Variants in TVP23C observed in about 807,000 individuals in gnomAD.
TVP23C encodes the protein trans-golgi network vesicle protein 23 homolog C, also known as Golgi apparatus membrane protein TVP23 homolog C.
A neutral mutation model predicts 28.7 loss-of-function variants in TVP23C; 19 were observed. The observed-to-expected ratio is 0.66, with a 90% CI of 0.46 to 0.97. The LOEUF (loss-of-function observed/expected upper bound fraction) is 0.97, where lower values mean the gene tolerates loss of function less well. Among genes scored for constraint, TVP23C ranks in the 50% least tolerant of loss-of-function variants. The pLI is 0.00. For synonymous variants in TVP23C, 68 were observed against 81.7 expected (o/e 0.83, Z 0.90); for missense variants, 186 against 241.3 (o/e 0.77, Z 1.52).
chr17:15,534,695 G>A (rs1474895540), downstream of TVP23C, among the ~76,000 whole-genome samples: 12 of 151,578 alleles, frequency 7.9e-5, no homozygotes, highest in East Asian at 1.9e-4. Context: ...AGGGCCAGGC[G>A]TGGTGGCTCA....
At chr17:15,536,191 C>CA (rs1049254433), downstream of TVP23C, among the ~76,000 whole-genome samples, 9 of 147,710 alleles carry the variant, frequency 6.1e-5, no homozygotes, top group South Asian at 2.1e-4. Context: ...AACTCTGTTT[C>CA]AAAAAAAAAA....
At chr17:15,527,196 G>A (rs913197858) in intron 5 of TVP23C, among the ~76,000 whole-genome samples, 1 of 152,110 alleles carries the variant, frequency 6.6e-6, no homozygotes, top group African/African-American at 2.4e-5. Flanking sequence ...AATCCACTTT[G>A]TGTTCTTTGT....
intron 3 of TVP23C, among the ~76,000 whole-genome samples, chr17:15,548,166 G>A (rs370808521): frequency 2.0e-5 from 3 of 151,858 alleles, no homozygotes; most frequent in African/African-American, 7.3e-5. Context: ...TTTTTGTTTG[G>A]TTTTGTTTTT....
chr17:15,556,581 T>C (rs1400560934), intron 1 of TVP23C, among the ~76,000 whole-genome samples: 2 of 152,060 alleles, frequency 1.3e-5, no homozygotes, highest in Non-Finnish European at 2.9e-5. Flanking sequence ...CCAGGAGATT[T>C]CATGACCTTG....
At chr17:15,503,425 C>G in intron 5 of TVP23C, 1 of 633,356 alleles carries the variant, frequency 1.6e-6, no homozygotes, top group Non-Finnish European at 2.5e-6. Flanking sequence ...GTCCTTGAGG[C>G]AAAAGGTGAC....
exon 6 of TVP23C, chr17:15,502,959 G>C (rs140364783): frequency 3.1e-6 from 5 of 1,613,996 alleles, no homozygotes; most frequent in Non-Finnish European, 4.2e-6. Context: ...GCCCAAAGCC[G>C]CAAGGAGAGA....
rs558980374 is a variant in TVP23C at position 15,539,416 on chromosome 17, G to C, written c.*996C>G. 4.5e-5 allele frequency: 25 copies of C among 551,796 alleles called. No individual in the cohort carries two copies. The East Asian group carries it at 2.4e-3, about 52-fold the overall frequency. 34.2% of individuals were successfully genotyped at this position (551,796 alleles called of 1,614,324 possible). A position where few individuals can be genotyped will look rare whatever the true frequency, so the allele number is the denominator to read the frequency against. On this transcript the variant is annotated 3_prime_UTR_variant, in exon 6 of 6. Transcript: ENST00000518321. ...AGGTCAGGAGATCGAGACCATCCTG[G>C]CTAACACGGTGAAACCCCGTCTCTA...
At chr17:15,511,053 CAAAAA>C (rs58794054) in intron 5 of TVP23C, among the ~76,000 whole-genome samples, 1 of 83,406 alleles carries the variant, frequency 1.2e-5, no homozygotes. Flanking sequence ...GACTTCGTCT[CAAAAA>C]AAAAAAAAAA....
At chr17:15,502,720 C>T in exon 6 of TVP23C, 1 of 1,094,062 alleles carries the variant, frequency 9.1e-7, no homozygotes, top group South Asian at 2.1e-5. Context: ...TCTCTCTCTC[C>T]TCTCTCTCTC....
At chr17:15,502,699 C>T (rs1981501565) in exon 6 of TVP23C, 2 of 1,159,778 alleles carry the variant, frequency 1.7e-6, no homozygotes, top group Non-Finnish European at 1.1e-6. Flanking sequence ...GTTCCCTGTT[C>T]GTTCGTTCTT....
At chr17:15,515,930 G>A (rs1399767688) in intron 5 of TVP23C, among the ~76,000 whole-genome samples, 1 of 152,130 alleles carries the variant, frequency 6.6e-6, no homozygotes, top group African/African-American at 2.4e-5. Flanking sequence ...CACCCCTAGT[G>A]CTGTTCTCCT....
chr17:15,560,805 C>G (rs1186180640), intron 1 of TVP23C, among the ~76,000 whole-genome samples: 2 of 149,086 alleles, frequency 1.3e-5, no homozygotes, highest in East Asian at 2.0e-4. Context: ...CCACCCGCCT[C>G]GGCCTCCCAA....
At chr17:15,548,416 T>C (rs1219484258) in intron 3 of TVP23C, among the ~76,000 whole-genome samples, 2 of 152,204 alleles carry the variant, frequency 1.3e-5, no homozygotes, top group African/African-American at 4.8e-5. Context: ...TCACCCGCCT[T>C]GGCCTCCCAA....
intron 1 of TVP23C, among the ~76,000 whole-genome samples, chr17:15,558,568 G>C (rs1333434619): frequency 6.7e-6 from 1 of 148,432 alleles, no homozygotes; most frequent in Non-Finnish European, 1.5e-5. Context: ...TCCTTACAAG[G>C]GAAACAAAGG....
intron 5 of TVP23C, among the ~76,000 whole-genome samples, chr17:15,522,401 A>G (rs1036414944): frequency 1.2e-4 from 19 of 152,180 alleles, no homozygotes; most frequent in Admixed American, 2.6e-4. Context: ...AACACAAAGT[A>G]CCCCTATAAA....
At chr17:15,510,877 A>C (rs1238232767) in intron 5 of TVP23C, among the ~76,000 whole-genome samples, 1 of 152,006 alleles carries the variant, frequency 6.6e-6, no homozygotes, top group Non-Finnish European at 1.5e-5. Flanking sequence ...AATATGGTGA[A>C]ACTCCATCTC....
At chr17:15,503,104 A>T in exon 6 of TVP23C, 1 of 1,614,048 alleles carries the variant, frequency 6.2e-7, no homozygotes, top group Non-Finnish European at 8.5e-7. Flanking sequence ...CTACCTGATG[A>T]AACTTCCTCG....
rs1983349298 is a variant in TVP23C, at chr17:15,540,122, C to A, written c.*290G>T. The A allele has an allele frequency of 2.4e-6, 3 of 1,232,262 alleles. No individual in the cohort carries two copies. Among genetic ancestry groups the A allele is most frequent in the South Asian group, 4.3e-5 (2 of 46,320 alleles). The allele number at this position is 1,232,262 out of a possible 1,614,324, so 76.3% of individuals were successfully genotyped here. A position where few individuals can be genotyped will look rare whatever the true frequency, so the allele number is the denominator to read the frequency against. ...AATAAAAATAAAAACATACAACATA[C>A]ATTCTGCAAGGGCATTCACTTAAAG... On this transcript the variant is annotated 3_prime_UTR_variant, in exon 6 of 6. Transcript: ENST00000518321.
At chr17:15,506,964 A>G (rs1043992820) in intron 5 of TVP23C, 29 of 1,237,472 alleles carry the variant, frequency 2.3e-5, no homozygotes, top group Non-Finnish European at 2.9e-5. Flanking sequence ...CAAAGACGGC[A>G]GAAAACTTTC....
Sources: gnomAD v4.1 joint callset for allele counts (sites outside exome capture counted in the v4.1 genomes callset) on GRCh38, gnomAD v4.1.1 for gene constraint, MANE v1.5 for transcripts, NCBI Gene and HGNC (gene_info 2026-07-23, HGNC 2026-07-21) for gene names.